The following PDE3A variants were observed in gnomAD, a reference collection of about 807,000 sequenced individuals.
PDE3A encodes the protein phosphodiesterase 3A, also known as cGMP-inhibited 3',5'-cyclic phosphodiesterase 3A.
Under a neutral mutation model 98.3 loss-of-function variants are expected in PDE3A, and 43 were observed. That is an observed-to-expected ratio of 0.44 (90% CI 0.34 to 0.56). The LOEUF is 0.56. PDE3A is among the 20% of genes least tolerant of loss of function. The pLI is 0.01. For synonymous variants in PDE3A, 663 were observed against 567.9 expected, an observed-to-expected ratio of 1.17 and a Z score of -2.38; for missense variants, 1,427 against 1,440.7, an observed-to-expected ratio of 0.99 and a Z score of 0.15.
At chr12:20,459,842 C>G (rs1257694254) in intron 1 of PDE3A, among the ~76,000 whole-genome samples, 1 of 152,048 alleles carries the variant, frequency 6.6e-6, no homozygotes, top group African/African-American at 2.4e-5. Context: ...ACAGTGATAA[C>G]AGAAGGACTG....
intron 15 of PDE3A, among the ~76,000 whole-genome samples, chr12:20,661,974 C>T (rs1565467300): frequency 6.6e-6 from 1 of 152,122 alleles, no homozygotes. Context: ...CTGGAAAAGC[C>T]ACAGACACTC....
intron 1 of PDE3A, among the ~76,000 whole-genome samples, chr12:20,469,772 G>A (rs1211465992): frequency 6.6e-6 from 1 of 152,102 alleles, no homozygotes; most frequent in Non-Finnish European, 1.5e-5. Context: ...AATATTATGT[G>A]GGTGGAATAG....
Position 20,639,947 on chromosome 12 carries a change from G to A in PDE3A, c.2241G>A (p.Arg747=), listed in dbSNP as rs757090304. The A allele has an allele frequency of 3.0e-6, 4 of 1,319,934 alleles. No homozygotes were observed. Among genetic ancestry groups the A allele is most frequent in the Non-Finnish European group, 2.2e-6 (2 of 913,816 alleles). 81.8% of individuals were successfully genotyped at this position (1,319,934 alleles called of 1,614,324 possible). A position where few individuals can be genotyped will look rare whatever the true frequency, so the allele number is the denominator to read the frequency against. Residue 747 remains arginine (R), a synonymous_variant, in exon 10 of 16, where the codon AGG becomes AGA. Transcript: ENST00000359062. ...TTCATGCTTTGGAGATTGGATATAG[G>A]GATATTCCTTGTAAGTATATGTGAT... ...NYFHALEIGY[R]DIPYHNRIHA...
At chr12:20,498,180 A>G (rs1945957256) in intron 1 of PDE3A, among the ~76,000 whole-genome samples, 1 of 152,146 alleles carries the variant, frequency 6.6e-6, no homozygotes, top group African/African-American at 2.4e-5. Context: ...CTATGTTGTT[A>G]AAGGAAAATT....
intron 2 of PDE3A, among the ~76,000 whole-genome samples, chr12:20,601,558 A>G (rs920484632): frequency 1.3e-5 from 2 of 152,182 alleles, no homozygotes; most frequent in African/African-American, 4.8e-5. Context: ...CATGTGGGAA[A>G]ATGTTAATCA....
At chr12:20,376,705 T>C (rs1023379636) in intron 1 of PDE3A, among the ~76,000 whole-genome samples, 1 of 151,928 alleles carries the variant, frequency 6.6e-6, no homozygotes, top group African/African-American at 2.4e-5. Flanking sequence ...TGCAGATTGT[T>C]AAGGCATTTC....
At chr12:20,474,538 C>G (rs1229829548) in intron 1 of PDE3A, among the ~76,000 whole-genome samples, 2 of 152,162 alleles carry the variant, frequency 1.3e-5, no homozygotes, top group Non-Finnish European at 2.9e-5. Flanking sequence ...GTCATAAGCA[C>G]GAAGTCAGTT....
Position 20,653,373 on chromosome 12 carries a change from AT to A in PDE3A, c.2926-563del, listed in dbSNP as rs71039965. Among the ~76,000 whole-genome samples, 453 of 147,526 alleles carry A rather than the reference AT, an allele frequency of 3.1e-3. 1 individual carries two copies. Among genetic ancestry groups the A allele is most frequent in the South Asian group, 0.01 (48 of 4,656 alleles). On this transcript the variant is annotated intron_variant, in intron 14 of 15. Coordinates refer to ENST00000359062, the MANE Select transcript of PDE3A (RefSeq NM_000921.5). ...TTAAAAAAATTGTTCTCACTATTGC[AT>A]TTTTTTTTTTGAGATGGAGTCTCAC...
At chr12:20,553,202 T>A (rs1452716502) in intron 1 of PDE3A, among the ~76,000 whole-genome samples, 1 of 146,024 alleles carries the variant, frequency 6.8e-6, no homozygotes, top group Admixed American at 6.9e-5. Flanking sequence ...ATTTATGTAT[T>A]CTGGCTAAAA....
chr12:20,416,845 C>A (rs1191535486), intron 1 of PDE3A, among the ~76,000 whole-genome samples: 1 of 152,138 alleles, frequency 6.6e-6, no homozygotes, highest in African/African-American at 2.4e-5. Context: ...TTAGAAGGAA[C>A]TTCCTTTAGG....
chr12:20,499,518 G>A (rs186890562), intron 1 of PDE3A, among the ~76,000 whole-genome samples: 1 of 152,200 alleles, frequency 6.6e-6, no homozygotes, highest in Admixed American at 6.5e-5. Flanking sequence ...TCAACTGTTA[G>A]TATTCATATA....
intron 1 of PDE3A, among the ~76,000 whole-genome samples, chr12:20,473,732 A>G (rs954949598): frequency 7.2e-5 from 11 of 152,164 alleles, no homozygotes; most frequent in African/African-American, 2.6e-4. Context: ...ACGCGTTAGA[A>G]TCATACTGTG....
At chr12:20,564,349 G>A (rs993581798) in intron 2 of PDE3A, among the ~76,000 whole-genome samples, 1 of 152,106 alleles carries the variant, frequency 6.6e-6, no homozygotes, top group Non-Finnish European at 1.5e-5. Context: ...TAAATATTTA[G>A]TGATTAATCT....
chr12:20,425,213 G>A (rs1944583756), intron 1 of PDE3A, among the ~76,000 whole-genome samples: 1 of 152,114 alleles, frequency 6.6e-6, no homozygotes, highest in South Asian at 2.1e-4. Context: ...TTTTGGAGTA[G>A]TCTTTAATTA....
At chr12:20,660,040 A>G (rs950147883) in intron 15 of PDE3A, among the ~76,000 whole-genome samples, 3 of 152,030 alleles carry the variant, frequency 2.0e-5, no homozygotes, top group Non-Finnish European at 2.9e-5. Flanking sequence ...CATAATCCCC[A>G]TGTGTCGTGG....
intron 1 of PDE3A, among the ~76,000 whole-genome samples, chr12:20,548,057 A>G (rs553504959): frequency 9.1e-4 from 138 of 152,270 alleles, no homozygotes; most frequent in Non-Finnish European, 1.6e-3. Context: ...TATTAAAAAT[A>G]AAAGACGGAG....
chr12:20,545,754 A>T (rs1215789861), intron 1 of PDE3A, among the ~76,000 whole-genome samples: 2 of 146,696 alleles, frequency 1.4e-5, no homozygotes, highest in Non-Finnish European at 3.0e-5. Flanking sequence ...CCCCAAGAGT[A>T]AAGGGCAAGA....
intron 8 of PDE3A, among the ~76,000 whole-genome samples, chr12:20,635,577 CAA>C (rs770373365): frequency 1.7e-4 from 20 of 120,238 alleles, no homozygotes; most frequent in Admixed American, 3.4e-4. Flanking sequence ...GACTCTGTCT[CAA>C]AAAAAAAAAA....
At chr12:20,579,727 T>A (rs965856536) in intron 2 of PDE3A, among the ~76,000 whole-genome samples, 4 of 152,188 alleles carry the variant, frequency 2.6e-5, no homozygotes, top group Admixed American at 2.6e-4. Flanking sequence ...GGGTACCAGT[T>A]CTGAATAACT....
Sources: allele counts gnomAD v4.1 joint callset (sites outside exome capture counted in the v4.1 genomes callset), GRCh38; gene constraint gnomAD v4.1.1; transcripts MANE v1.5; gene names NCBI Gene and HGNC (gene_info 2026-07-23, HGNC 2026-07-21).